The following CADM1 variants were observed in gnomAD, a reference collection of about 807,000 sequenced individuals.
The protein encoded by CADM1 is TSLC-1.
Under a neutral mutation model 53.1 loss-of-function variants are expected in CADM1, and 15 were observed. The observed-to-expected ratio is 0.28, with a 90% CI of 0.19 to 0.44. The LOEUF is 0.44. Ranked by LOEUF, CADM1 falls within the 20% of genes least tolerant of loss-of-function variation. The pLI is 1.00. For synonymous variants in CADM1, 281 were observed against 243.0 expected (o/e 1.16, Z -1.45); for missense variants, 434 against 611.3 (o/e 0.71, Z 3.06).
intron 1 of CADM1, among the ~76,000 whole-genome samples, chr11:115,337,696 T>TC (rs1945304198): frequency 6.6e-6 from 1 of 152,144 alleles, no homozygotes; most frequent in Admixed American, 6.5e-5. Context: ...CCCCATGACT[T>TC]CTATCACAAT....
chr11:115,486,700 A>T (rs1213926322), intron 1 of CADM1, among the ~76,000 whole-genome samples: 1 of 152,162 alleles, frequency 6.6e-6, no homozygotes, highest in Non-Finnish European at 1.5e-5. Flanking sequence ...GCCCCAAACT[A>T]TCTGTTGCTA....
chr11:115,316,954 T>C (rs748606923), intron 1 of CADM1, among the ~76,000 whole-genome samples: 1 of 152,186 alleles, frequency 6.6e-6, no homozygotes, highest in Non-Finnish European at 1.5e-5. Flanking sequence ...GTGCATGTTA[T>C]GAAATTACTC....
chr11:115,389,196 C>T (rs1479242837), intron 1 of CADM1, among the ~76,000 whole-genome samples: 5 of 151,976 alleles, frequency 3.3e-5, no homozygotes, highest in African/African-American at 1.2e-4. Context: ...AACAAAATGT[C>T]AATAAGAGGC....
intron 1 of CADM1, among the ~76,000 whole-genome samples, chr11:115,393,244 C>T (rs982892273): frequency 1.3e-5 from 2 of 151,586 alleles, no homozygotes; most frequent in African/African-American, 4.8e-5. Flanking sequence ...CTGAACTAGG[C>T]ATGGTAATAT....
chr11:115,503,991 T>C (rs1226323102), intron 1 of CADM1, among the ~76,000 whole-genome samples: 1 of 151,902 alleles, frequency 6.6e-6, no homozygotes, highest in Non-Finnish European at 1.5e-5. Context: ...GGCCCCCCAT[T>C]CTCACTCCAC....
chr11:115,320,126 C>T (rs564789241), intron 1 of CADM1, among the ~76,000 whole-genome samples: 4 of 152,246 alleles, frequency 2.6e-5, no homozygotes, highest in South Asian at 2.1e-4. Context: ...TGCAGTAGTG[C>T]GATCATAGCT....
chr11:115,229,076 A>G (rs752464800), intron 5 of CADM1, 37 bp downstream of exon 5: 4 of 1,610,176 alleles, frequency 2.5e-6, no homozygotes, highest in Middle Eastern at 3.7e-4. Context: ...TGTAACTGCA[A>G]CTCTACGCCC....
At chr11:115,466,359 A>G (rs939225109) in intron 1 of CADM1, among the ~76,000 whole-genome samples, 1 of 152,216 alleles carries the variant, frequency 6.6e-6, no homozygotes, top group Non-Finnish European at 1.5e-5. Flanking sequence ...TAAACCGGAA[A>G]ATATTCTTTA....
intron 11 of CADM1, among the ~76,000 whole-genome samples, 161 bp downstream of exon 11, chr11:115,178,483 G>GT (rs375004893): frequency 0.01 from 1,400 of 133,748 alleles, 3 homozygotes; most frequent in Middle Eastern, 0.019. Flanking sequence ...TTCTGGTTTT[G>GT]TTTTTTTTTT....
intron 1 of CADM1, among the ~76,000 whole-genome samples, chr11:115,315,927 C>CT (rs959246698): frequency 2.6e-5 from 4 of 152,140 alleles, no homozygotes; most frequent in African/African-American, 9.7e-5. Context: ...TTTCATTCAA[C>CT]TGGGAGGGTG....
Position 115,176,460 on chromosome 11 carries a change from AC to A in CADM1, c.*13del. 6.2e-7 allele frequency: 1 copy of A among 1,613,688 alleles called. No individual in the cohort carries two copies. The highest frequency in any genetic ancestry group is 8.5e-7 in the Non-Finnish European group (1 of 1,179,670). ...AGGGCCAGTTGGACACCTCATTGAA[AC>A]AAAAAGGCTGATCTAGATGAAGTAC... On this transcript the variant is annotated 3_prime_UTR_variant, in exon 12 of 12. Coordinates refer to ENST00000331581, the MANE Select transcript of CADM1 (RefSeq NM_001301043.2).
chr11:115,431,065 C>T (rs1009189083), intron 1 of CADM1, among the ~76,000 whole-genome samples: 3 of 152,028 alleles, frequency 2.0e-5, no homozygotes, highest in Non-Finnish European at 2.9e-5. Context: ...CTTTCACCAC[C>T]TTAATTACAT....
At chr11:115,485,422 T>G (rs546615082) in intron 1 of CADM1, among the ~76,000 whole-genome samples, 2 of 152,290 alleles carry the variant, frequency 1.3e-5, no homozygotes, top group Admixed American at 6.5e-5. Flanking sequence ...ATGTAAAACT[T>G]TTGCTACCAT....
At chr11:115,456,337 A>G (rs1010356887) in intron 1 of CADM1, among the ~76,000 whole-genome samples, 5 of 152,128 alleles carry the variant, frequency 3.3e-5, no homozygotes, top group Non-Finnish European at 5.9e-5. Context: ...ATAAAGTAAA[A>G]TTAGGAGGTA....
At chr11:115,319,687 A>T in intron 1 of CADM1, among the ~76,000 whole-genome samples, 1 of 152,194 alleles carries the variant, frequency 6.6e-6, no homozygotes, top group East Asian at 1.9e-4. Flanking sequence ...AAAGGGCCAG[A>T]CTGCTCAAGG....
chr11:115,271,692 G>A (rs1225887279), intron 1 of CADM1, among the ~76,000 whole-genome samples: 1 of 152,224 alleles, frequency 6.6e-6, no homozygotes, highest in Non-Finnish European at 1.5e-5. Context: ...AGCATTTATT[G>A]GAGGTAGAAA....
intron 1 of CADM1, among the ~76,000 whole-genome samples, chr11:115,428,789 GT>G (rs1947965375): frequency 6.6e-6 from 1 of 152,040 alleles, no homozygotes; most frequent in Admixed American, 6.6e-5. Flanking sequence ...GCGTGTGTGT[GT>G]GTGTGTGTAC....
At chr11:115,427,040 G>C (rs1947910060) in intron 1 of CADM1, among the ~76,000 whole-genome samples, 1 of 152,002 alleles carries the variant, frequency 6.6e-6, no homozygotes, top group Non-Finnish European at 1.5e-5. Flanking sequence ...GTTCAACTCT[G>C]TTCATTAAAA....
chr11:115,375,382 C>G (rs374808567), intron 1 of CADM1, among the ~76,000 whole-genome samples: 1 of 152,188 alleles, frequency 6.6e-6, no homozygotes, highest in African/African-American at 2.4e-5. Flanking sequence ...CATGAGGAAG[C>G]CTTCTGGGGT....
Sources: gnomAD v4.1 joint callset for allele counts (sites outside exome capture counted in the v4.1 genomes callset) on GRCh38, gnomAD v4.1.1 for gene constraint, MANE v1.5 for transcripts, NCBI Gene and HGNC (gene_info 2026-07-23, HGNC 2026-07-21) for gene names.